SPARCL1: variants seen among roughly 807,000 people sequenced by gnomAD.
The protein encoded by SPARCL1 is SPARC-like protein 1.
A neutral mutation model predicts 67.1 loss-of-function variants in SPARCL1; 52 were observed. That is an observed-to-expected ratio of 0.78 (90% CI 0.62 to 0.98). SPARCL1 has a LOEUF of 0.98. Ranked by LOEUF, SPARCL1 falls within the 50% of genes least tolerant of loss-of-function variation. The probability of loss-of-function intolerance (pLI) is 0.00; values close to 1 mark genes in which losing one functional copy is unlikely to be tolerated. For missense variants in SPARCL1, 717 were observed against 782.4 expected (o/e 0.92, Z 1.00); for synonymous variants, 226 against 267.8 (o/e 0.84, Z 1.52).
At chr4:87,493,546 G>T (rs371834903) in intron 4 of SPARCL1, 36 bp downstream of exon 4, 113 of 1,550,736 alleles carry the variant, frequency 7.3e-5, no homozygotes, top group Admixed American at 4.9e-4. Context: ...GATAATGCTG[G>T]CTTTATTGGA....
rs1578092974 is a variant in SPARCL1 at position 87,479,336 on chromosome 4, G to A, written c.1966+94C>T. ...CCTTTTTTTTTCTAGCTTCCAATTC[G>A]AACATGTGGCAGGACCTCTCTATGA... On this transcript the variant is annotated intron_variant, in intron 10 of 10. Transcript: ENST00000282470. 1.5e-5 allele frequency: 20 copies of A among 1,319,448 alleles called. No homozygotes were observed. In the East Asian group the frequency reaches 2.8e-4, roughly 19 times the overall value. The allele number at this position is 1,319,448 out of a possible 1,614,324, so 81.7% of individuals were successfully genotyped here. A position where few individuals can be genotyped will look rare whatever the true frequency, so the allele number is the denominator to read the frequency against.
At chr4:87,500,294 T>C (rs1237513709) in intron 1 of SPARCL1, among the ~76,000 whole-genome samples, 1 of 152,180 alleles carries the variant, frequency 6.6e-6, no homozygotes, top group African/African-American at 2.4e-5. Flanking sequence ...GTCTCACTTT[T>C]GGTATTTGCC....
chr4:87,481,940 G>A (rs1007746254), intron 8 of SPARCL1, among the ~76,000 whole-genome samples: 1 of 152,128 alleles, frequency 6.6e-6, no homozygotes, highest in Non-Finnish European at 1.5e-5. Flanking sequence ...TGGCACCCAG[G>A]ATACACTCAA....
chr4:87,528,507 TA>T (rs1726145776), intron 1 of SPARCL1: 1 of 152,256 alleles, frequency 6.6e-6, no homozygotes, highest in South Asian at 2.1e-4. Flanking sequence ...CGCAATAACT[TA>T]AAAATAATCA....
rs530341742 is a variant in SPARCL1 at position 87,526,825 on chromosome 4, G to A, written c.-12+2220C>T. Among the ~76,000 whole-genome samples the A allele has an allele frequency of 7.2e-5, 11 of 152,290 alleles. No individual in the cohort carries two copies. The South Asian group carries it at 2.1e-3, about 29-fold the overall frequency. On this transcript the variant is annotated intron_variant, in intron 1 of 10. Coordinates refer to ENST00000282470, the MANE Select transcript of SPARCL1 (RefSeq NM_004684.6). Reference sequence around the variant, plus strand: ...AGTCCAGTACTTTCATATTATCTACGATTGATTGATTGCTTTAATGTACCA... The same window carrying A: ...AGTCCAGTACTTTCATATTATCTACAATTGATTGATTGCTTTAATGTACCA...
chr4:87,506,231 T>A (rs563604314), intron 1 of SPARCL1, among the ~76,000 whole-genome samples: 1 of 152,284 alleles, frequency 6.6e-6, no homozygotes, highest in African/African-American at 2.4e-5. Context: ...ACATTTGCCA[T>A]CTATATGATC....
intron 1 of SPARCL1, among the ~76,000 whole-genome samples, chr4:87,506,264 T>G (rs964748411): frequency 6.6e-6 from 1 of 152,232 alleles, no homozygotes; most frequent in Non-Finnish European, 1.5e-5. Context: ...CTTAGCCCTC[T>G]AAGCCTCAGA....
At chr4:87,499,895 GA>G (rs5860080) in intron 1 of SPARCL1, among the ~76,000 whole-genome samples, 51,188 of 149,910 alleles carry the variant, frequency 0.34, 9,698 homozygotes, top group South Asian at 0.5. Context: ...TATTCATAAT[GA>G]AAAAAAAAAG....
rs536674683 is a variant in SPARCL1, at chr4:87,484,498, G to C, written c.1532-1938C>G. Among the ~76,000 whole-genome samples, 3 of 152,322 alleles carry C rather than the reference G, an allele frequency of 2.0e-5. No individual in the cohort carries two copies. The East Asian group carries it at 5.8e-4, about 29-fold the overall frequency. ...TTAGTTACTGTAGCCTTGTAGTATA[G>C]TTTGAAGTTAGTTAGCGTGATGCCT... On this transcript the variant is annotated intron_variant, in intron 7 of 10. Coordinates refer to ENST00000282470, the MANE Select transcript of SPARCL1 (RefSeq NM_004684.6).
intron 1 of SPARCL1, among the ~76,000 whole-genome samples, chr4:87,519,196 G>A (rs1281732702): frequency 6.6e-6 from 1 of 151,618 alleles, no homozygotes; most frequent in African/African-American, 2.4e-5. Flanking sequence ...TCAACCTCCT[G>A]AGTAGCTGAG....
rs145224196 is a variant in SPARCL1 at position 87,499,271 on chromosome 4, T to C, written c.54+250A>G. 8.5e-4 allele frequency among the ~76,000 whole-genome samples: 130 copies of C among 152,346 alleles called. 1 individual carries two copies. In the East Asian group the frequency reaches 0.022, roughly 26 times the overall value. The stretch of plus-strand genomic sequence containing the variant: ...GTATTTGGGCTGATTCTATGGCTAA[T>C]AAACTGATAGCCCAAACTTTCTGCT... On this transcript the variant is annotated intron_variant, in intron 2 of 10. Transcript: ENST00000282470.
intron 4 of SPARCL1, 86 bp downstream of exon 4, chr4:87,493,496 G>A: frequency 8.3e-7 from 1 of 1,204,474 alleles, no homozygotes; most frequent in Admixed American, 2.4e-5. Flanking sequence ...ATCCATACAG[G>A]ACACTGTGAG....
At chr4:87,491,554 C>T in intron 5 of SPARCL1, 64 bp downstream of exon 5, 1 of 1,312,582 alleles carries the variant, frequency 7.6e-7, no homozygotes, top group Non-Finnish European at 1.1e-6. Flanking sequence ...GGGACAAGCC[C>T]AAAGTGGCAG....
intron 1 of SPARCL1, among the ~76,000 whole-genome samples, chr4:87,509,579 TG>T (rs1431307759): frequency 2.0e-5 from 3 of 152,184 alleles, no homozygotes; most frequent in Non-Finnish European, 1.5e-5. Flanking sequence ...GGCAGCAGCA[TG>T]GGTGAAGTTG....
intron 1 of SPARCL1, among the ~76,000 whole-genome samples, chr4:87,511,967 C>CTCTTTT (rs71667858): frequency 8.2e-6 from 1 of 121,566 alleles, no homozygotes; most frequent in African/African-American, 3.2e-5. Flanking sequence ...CTTTCTTTCT[C>CTCTTTT]TTTTTTTTTT....
intron 1 of SPARCL1, among the ~76,000 whole-genome samples, chr4:87,526,286 CT>C (rs1726039060): frequency 6.6e-6 from 1 of 152,184 alleles, no homozygotes; most frequent in Non-Finnish European, 1.5e-5. Context: ...GTCCGATTTA[CT>C]TTTACATTTC....
chr4:87,490,816 G>A lies in SPARCL1; in HGVS notation c.1354C>T (p.Pro452Ser), dbSNP rs1344756385. Residue 452 changes from proline (P) to serine (S), a missense_variant, in exon 6 of 11, where the codon CCT (proline) becomes TCT (serine). Transcript: ENST00000282470. Reference sequence around the variant, plus strand: ...ACTGGATCCTGGCAGACACAGTGAGGTTTTCCCTGTTGGTCTGCCTTACAG... The same window carrying A: ...ACTGGATCCTGGCAGACACAGTGAGATTTTCCCTGTTGGTCTGCCTTACAG... ...HICKADQQGK[P>S]HCVCQDPVTC... 6.2e-7 allele frequency: 1 copy of A among 1,612,912 alleles called. No homozygotes were observed. Among genetic ancestry groups the A allele is most frequent in the East Asian group, 2.2e-5 (1 of 44,842 alleles).
chr4:87,510,625 G>A (rs775672070), intron 1 of SPARCL1, among the ~76,000 whole-genome samples: 3 of 151,984 alleles, frequency 2.0e-5, no homozygotes, highest in Non-Finnish European at 4.4e-5. Flanking sequence ...TCCACTGAGA[G>A]CCGCTTTCGT....
At chr4:87,500,067 G>T (rs1724783634) in intron 1 of SPARCL1, among the ~76,000 whole-genome samples, 1 of 152,168 alleles carries the variant, frequency 6.6e-6, no homozygotes, top group Admixed American at 6.5e-5. Context: ...CTGGCAATCT[G>T]TGAGTTAGGG....
Sources: gnomAD v4.1 joint callset for allele counts (sites outside exome capture counted in the v4.1 genomes callset) on GRCh38, gnomAD v4.1.1 for gene constraint, MANE v1.5 for transcripts, NCBI Gene and HGNC (gene_info 2026-07-23, HGNC 2026-07-21) for gene names.